The following STK39 variants were observed in gnomAD, a reference collection of about 807,000 sequenced individuals.
The protein encoded by STK39 is STE20/SPS1-related proline-alanine-rich protein kinase.
STK39 carries 20 observed loss-of-function variants against 77.8 expected under a neutral mutation model. The ratio of observed to expected loss-of-function variants is 0.26; its 90% CI spans 0.18 to 0.37. STK39 has a LOEUF of 0.37. Ranked by LOEUF, STK39 falls within the 10% of genes least tolerant of loss-of-function variation. The pLI, the probability that STK39 is intolerant of heterozygous loss-of-function variation, is 1.00. For missense variants in STK39, 479 were observed against 656.5 expected, an observed-to-expected ratio of 0.73 and a Z score of 2.95; for synonymous variants, 246 against 234.1, an observed-to-expected ratio of 1.05 and a Z score of -0.47.
intron 1 of STK39, among the ~76,000 whole-genome samples, chr2:168,227,734 T>C (rs879279321): frequency 1.3e-5 from 2 of 152,204 alleles, no homozygotes; most frequent in African/African-American, 2.4e-5. Context: ...CTCAGCTCAC[T>C]GCAAGCTCCA....
chr2:168,042,776 C>T (rs1685141607), intron 14 of STK39, among the ~76,000 whole-genome samples: 1 of 152,044 alleles, frequency 6.6e-6, no homozygotes, highest in Non-Finnish European at 1.5e-5. Flanking sequence ...GATGGGGCTT[C>T]ACCATCTTGG....
chr2:167,972,461 AACC>A (rs1432253046), intron 16 of STK39, among the ~76,000 whole-genome samples: 1 of 152,106 alleles, frequency 6.6e-6, no homozygotes, highest in Non-Finnish European at 1.5e-5. Flanking sequence ...TTGATCTTGT[AACC>A]ATGTGGCCTT....
intron 12 of STK39, among the ~76,000 whole-genome samples, chr2:168,072,384 T>G (rs1574440415): frequency 1.3e-5 from 2 of 152,322 alleles, no homozygotes; most frequent in South Asian, 4.1e-4. Context: ...CATTATTCTA[T>G]GTCTCTTCTC....
chr2:168,225,846 C>G lies in STK39; in HGVS notation c.208+21382G>C, dbSNP rs141884627. ...GTGATTCCTTCCCAGGCAGGAACTT[C>G]CGATGCTACACCCTTCTCCAAGGAG... On this transcript the variant is annotated intron_variant, in intron 1 of 17. Transcript: ENST00000355999. 1.4e-3 allele frequency among the ~76,000 whole-genome samples: 216 copies of G among 152,282 alleles called. 1 individual carries two copies. The highest frequency in any genetic ancestry group is 0.01 in the Middle Eastern group (3 of 294).
At chr2:167,956,726 T>TCC (rs1559032457) in intron 17 of STK39, among the ~76,000 whole-genome samples, 1 of 47,758 alleles carries the variant, frequency 2.1e-5, no homozygotes, top group African/African-American at 1.1e-4. Context: ...TCTCTCTCTC[T>TCC]CTCCCCCCCC....
chr2:168,015,695 G>A (rs954267175), intron 15 of STK39, among the ~76,000 whole-genome samples: 1 of 152,036 alleles, frequency 6.6e-6, no homozygotes, highest in Non-Finnish European at 1.5e-5. Flanking sequence ...CAGATGAAAA[G>A]AAACAATCTT....
chr2:168,208,501 T>C (rs1449615443), intron 1 of STK39, among the ~76,000 whole-genome samples: 1 of 152,198 alleles, frequency 6.6e-6, no homozygotes, highest in Non-Finnish European at 1.5e-5. Context: ...TGGAAAACTG[T>C]ACCCTCCGTA....
intron 2 of STK39, among the ~76,000 whole-genome samples, chr2:168,178,136 A>G (rs1688998428): frequency 6.6e-6 from 1 of 152,216 alleles, no homozygotes; most frequent in African/African-American, 2.4e-5. Context: ...GAGAGCATTA[A>G]ACTAGTTATA....
At chr2:168,111,026 A>G (rs535513382) in intron 10 of STK39, among the ~76,000 whole-genome samples, 1 of 152,170 alleles carries the variant, frequency 6.6e-6, no homozygotes, top group Non-Finnish European at 1.5e-5. Flanking sequence ...TACAAATAAT[A>G]AAAACCTGGT....
chr2:168,235,544 C>T (rs1368003127), intron 1 of STK39, among the ~76,000 whole-genome samples: 1 of 151,368 alleles, frequency 6.6e-6, no homozygotes, highest in Non-Finnish European at 1.5e-5. Context: ...TGTGCTGCGC[C>T]CAGTAACTCG....
At chr2:168,235,499 G>C (rs936360425) in intron 1 of STK39, among the ~76,000 whole-genome samples, 7 of 151,318 alleles carry the variant, frequency 4.6e-5, no homozygotes, top group Admixed American at 6.6e-5. Context: ...TGTGTACAAT[G>C]TGCAGGTTAC....
intron 10 of STK39, among the ~76,000 whole-genome samples, chr2:168,115,922 T>C (rs1687246935): frequency 6.6e-6 from 1 of 152,150 alleles, no homozygotes; most frequent in Non-Finnish European, 1.5e-5. Flanking sequence ...GAACCCCGGT[T>C]AAAGATTTTA....
intron 1 of STK39, among the ~76,000 whole-genome samples, chr2:168,226,863 C>T (rs73974505): frequency 0.099 from 15,025 of 152,106 alleles, 1,728 homozygotes; most frequent in East Asian, 0.26. Flanking sequence ...ATCTATCCCA[C>T]AGAAATAATA....
At chr2:168,208,958 A>C (rs932167) in intron 1 of STK39, among the ~76,000 whole-genome samples, 48,604 of 152,144 alleles carry the variant, frequency 0.32, 8,040 homozygotes, top group East Asian at 0.46. Context: ...ATCTCCTGTG[A>C]TGTGGGGTTG....
At chr2:168,055,623 G>A (rs1685504295) in intron 14 of STK39, among the ~76,000 whole-genome samples, 1 of 152,166 alleles carries the variant, frequency 6.6e-6, no homozygotes, top group African/African-American at 2.4e-5. Context: ...ATGGCAATTG[G>A]CAGGGCTGCC....
chr2:167,986,414 G>T (rs143922095), intron 16 of STK39, among the ~76,000 whole-genome samples: 3 of 152,182 alleles, frequency 2.0e-5, no homozygotes, highest in Non-Finnish European at 4.4e-5. Flanking sequence ...TTCTAAACTT[G>T]TAGATTACCA....
chr2:168,113,762 T>C (rs1388138757), intron 10 of STK39, among the ~76,000 whole-genome samples: 1 of 152,220 alleles, frequency 6.6e-6, no homozygotes, highest in Non-Finnish European at 1.5e-5. Context: ...AATGTGAATG[T>C]CTGGTTAAAG....
intron 3 of STK39, 129 bp from the exon 4 acceptor site, chr2:168,164,009 GCAAA>G: frequency 7.5e-7 from 1 of 1,337,792 alleles, no homozygotes; most frequent in Non-Finnish European, 9.9e-7. Flanking sequence ...TATTCCCAAG[GCAAA>G]CAAACAATTG....
At chr2:168,102,711 T>C (rs1323521710) in intron 10 of STK39, among the ~76,000 whole-genome samples, 2 of 152,016 alleles carry the variant, frequency 1.3e-5, no homozygotes, top group East Asian at 1.9e-4. Context: ...GGGCAGATTA[T>C]GAGGTAAGGA....
Sources: gnomAD v4.1 joint callset for allele counts (sites outside exome capture counted in the v4.1 genomes callset) on GRCh38, gnomAD v4.1.1 for gene constraint, MANE v1.5 for transcripts, NCBI Gene and HGNC (gene_info 2026-07-23, HGNC 2026-07-21) for gene names.